The following SV2C variants were observed in gnomAD, a reference collection of about 807,000 sequenced individuals.
SV2C encodes the protein synaptic vesicle glycoprotein 2C.
SV2C carries 49 observed loss-of-function variants against 79.7 expected under a neutral mutation model. That is an observed-to-expected ratio of 0.61 (90% CI 0.49 to 0.78). The LOEUF is 0.78. Among genes scored for constraint, SV2C ranks in the 30% least tolerant of loss-of-function variants. SV2C has a pLI of 0.00. For synonymous variants in SV2C, 334 were observed against 333.2 expected (o/e 1.00, Z -0.03); for missense variants, 833 against 912.9 (o/e 0.91, Z 1.13).
chr5:76,040,900 A>C, the SV2C span, among the ~76,000 whole-genome samples: 1 of 152,204 alleles, frequency 6.6e-6, no homozygotes, highest in Admixed American at 6.5e-5. Flanking sequence ...GAAGTAGCGG[A>C]AGTTGCAGTA....
At chr5:76,139,543 G>A (rs10514061) in intron 2 of SV2C, among the ~76,000 whole-genome samples, 17,813 of 152,188 alleles carry the variant, frequency 0.12, 1,144 homozygotes, top group Non-Finnish European at 0.14. Context: ...ACCATTGGGA[G>A]ACTGCTTCTA....
chr5:76,088,668 C>A (rs908407473), intron 1 of SV2C, among the ~76,000 whole-genome samples: 1 of 152,300 alleles, frequency 6.6e-6, no homozygotes, highest in African/African-American at 2.4e-5. Context: ...AGCTTTCAGA[C>A]CATAGCAGAC....
the SV2C span, among the ~76,000 whole-genome samples, chr5:75,964,305 A>G: frequency 6.6e-6 from 1 of 152,220 alleles, no homozygotes; most frequent in East Asian, 1.9e-4. Context: ...CCCGCTCACC[A>G]GGAGTTTGTC....
At chr5:76,189,143 G>A (rs1419778196) in intron 2 of SV2C, among the ~76,000 whole-genome samples, 9 of 152,194 alleles carry the variant, frequency 5.9e-5, no homozygotes, top group Non-Finnish European at 8.8e-5. Context: ...ATAGTTAGAG[G>A]GAGACTAGAG....
chr5:76,276,788 C>A (rs1747037259), intron 4 of SV2C, among the ~76,000 whole-genome samples: 1 of 151,626 alleles, frequency 6.6e-6, no homozygotes, highest in Non-Finnish European at 1.5e-5. Context: ...AGTCTGGTCT[C>A]AAAATCCTGT....
intron 2 of SV2C, among the ~76,000 whole-genome samples, chr5:76,185,580 A>G (rs1362286654): frequency 6.6e-6 from 1 of 152,242 alleles, no homozygotes; most frequent in Admixed American, 6.5e-5. Flanking sequence ...GTAAGCCACC[A>G]AGGCTTGGGG....
intron 4 of SV2C, chr5:76,242,060 C>A: frequency 6.8e-7 from 1 of 1,468,672 alleles, no homozygotes; most frequent in Non-Finnish European, 9.5e-7. Flanking sequence ...CTTTCTGCGC[C>A]TGGTCTGTTT....
the SV2C span, among the ~76,000 whole-genome samples, chr5:75,886,761 G>A: frequency 3.2e-4 from 48 of 152,020 alleles, no homozygotes; most frequent in Admixed American, 3.1e-3. Context: ...GGGGCGGTGG[G>A]GTGGTTCTCT....
the SV2C span, among the ~76,000 whole-genome samples, chr5:76,022,290 G>A: frequency 6.6e-6 from 1 of 152,200 alleles, no homozygotes; most frequent in Non-Finnish European, 1.5e-5. Context: ...ATGAGTGACA[G>A]ATGCCAGGAG....
At chr5:76,336,269 G>A (rs1291949856), downstream of SV2C, among the ~76,000 whole-genome samples, 15 of 149,476 alleles carry the variant, frequency 1.0e-4, no homozygotes, top group East Asian at 1.4e-3. Context: ...GCTGCCAGGC[G>A]GAGGGTCTCC....
the SV2C span, chr5:75,911,398 A>C: frequency 8.8e-7 from 1 of 1,134,842 alleles, no homozygotes; most frequent in Non-Finnish European, 1.3e-6. Context: ...CTATATCCAG[A>C]GGACGTCAGC....
intron 12 of SV2C, among the ~76,000 whole-genome samples, chr5:76,340,095 G>A (rs983840863): frequency 6.6e-5 from 10 of 152,302 alleles, no homozygotes; most frequent in South Asian, 2.1e-4. Flanking sequence ...TAATTCATTA[G>A]CATGCAGAAA....
chr5:76,254,144 T>TTATA (rs33938268), intron 4 of SV2C, among the ~76,000 whole-genome samples: 16 of 147,018 alleles, frequency 1.1e-4, no homozygotes, highest in East Asian at 2.0e-4. Context: ...ATATGTGTTA[T>TTATA]TATATATATA....
intron 1 of SV2C, among the ~76,000 whole-genome samples, chr5:76,093,449 C>T (rs954498291): frequency 6.6e-6 from 1 of 152,208 alleles, no homozygotes; most frequent in Admixed American, 6.5e-5. Context: ...TAATTAATTG[C>T]ACACTTAGCC....
At chr5:75,870,542 A>G in the SV2C span, among the ~76,000 whole-genome samples, 1 of 152,162 alleles carries the variant, frequency 6.6e-6, no homozygotes, top group African/African-American at 2.4e-5. Context: ...GGCAAACCTA[A>G]GAGTTATTGG....
At chr5:75,940,620 G>A in the SV2C span, among the ~76,000 whole-genome samples, 1 of 152,160 alleles carries the variant, frequency 6.6e-6, no homozygotes. Context: ...CTTAATGGGT[G>A]TGTTTCTTAC....
the SV2C span, among the ~76,000 whole-genome samples, chr5:76,023,377 C>T: frequency 4.6e-5 from 7 of 152,108 alleles, no homozygotes; most frequent in Non-Finnish European, 1.0e-4. Flanking sequence ...TGTGGGGGGA[C>T]TCAAAAGCTT....
chr5:75,934,964 G>A, the SV2C span, among the ~76,000 whole-genome samples: 2 of 150,876 alleles, frequency 1.3e-5, no homozygotes, highest in Non-Finnish European at 2.9e-5. Context: ...ATGGAAAAGA[G>A]CATATGCTCA....
the SV2C span, among the ~76,000 whole-genome samples, chr5:76,022,354 C>T: frequency 9.2e-5 from 14 of 152,196 alleles, no homozygotes; most frequent in African/African-American, 2.9e-4. Flanking sequence ...ACCCATGCTG[C>T]TCCGTATTTT....
Sources: gnomAD v4.1 joint callset for allele counts (sites outside exome capture counted in the v4.1 genomes callset) on GRCh38, gnomAD v4.1.1 for gene constraint, MANE v1.5 for transcripts, NCBI Gene and HGNC (gene_info 2026-07-23, HGNC 2026-07-21) for gene names.